DENND3: variants seen among roughly 807,000 people sequenced by gnomAD.
DENND3 encodes the protein DENN domain-containing protein 3.
DENND3 carries 88 observed loss-of-function variants against 135.1 expected under a neutral mutation model. The ratio of observed to expected loss-of-function variants is 0.65; its 90% CI spans 0.55 to 0.78. The LOEUF (loss-of-function observed/expected upper bound fraction) is 0.78. Among genes scored for constraint, DENND3 ranks in the 30% least tolerant of loss-of-function variants. DENND3 has a pLI of 0.00. For missense variants in DENND3, 1,392 were observed against 1,688.4 expected, an observed-to-expected ratio of 0.82 and a Z score of 3.08; for synonymous variants, 693 against 712.3, an observed-to-expected ratio of 0.97 and a Z score of 0.43.
In DENND3 at chr8:141,165,739, C is replaced by T. The variant is rs376223301; in HGVS notation, c.1553+450C>T. Among the ~76,000 whole-genome samples the T allele has an allele frequency of 3.4e-4, 52 of 152,334 alleles. 1 individual carries two copies. In the East Asian group the frequency reaches 9.1e-3, roughly 27 times the overall value. On this transcript the variant is annotated intron_variant, in intron 11 of 22. Transcript: ENST00000519811. ...TCAGCCTCCCAAAGTGCTGGGATTACAGGCATGAGCCACCACTCCTGGCCT... is the reference window on the plus strand; with the variant it reads ...TCAGCCTCCCAAAGTGCTGGGATTATAGGCATGAGCCACCACTCCTGGCCT...
chr8:141,149,663 A>G (rs948667453), intron 5 of DENND3, among the ~76,000 whole-genome samples: 1 of 152,246 alleles, frequency 6.6e-6, no homozygotes, highest in Non-Finnish European at 1.5e-5. Flanking sequence ...ACACTTGCTC[A>G]CACGGGGACC....
chr8:141,137,918 C>G lies in DENND3; in HGVS notation c.386-104C>G. On this transcript the variant is annotated intron_variant, in intron 2 of 22. Coordinates refer to ENST00000519811, the MANE Select transcript of DENND3 (RefSeq NM_001352890.3). The surrounding 1 kb of genome is among the most constrained non-coding windows in gnomAD (Gnocchi z 4.1). ...CTTGGACATGAAGGCACCACCACTGCTAACTGTGGAGGTGTGTCCTAAACA... is the reference window on the plus strand; with the variant it reads ...CTTGGACATGAAGGCACCACCACTGGTAACTGTGGAGGTGTGTCCTAAACA... 1 of 1,154,634 alleles carries G rather than the reference C, an allele frequency of 8.7e-7. No homozygotes were observed. The highest frequency in any genetic ancestry group is 1.2e-6 in the Non-Finnish European group (1 of 810,836). The allele number at this position is 1,154,634 out of a possible 1,614,324, so 71.5% of individuals were successfully genotyped here. A position where few individuals can be genotyped will look rare whatever the true frequency, so the allele number is the denominator to read the frequency against.
rs1356135805 is a variant in DENND3, at chr8:141,174,887, A to G, written c.2276-313A>G. 2.0e-5 allele frequency among the ~76,000 whole-genome samples: 3 copies of G among 151,922 alleles called. No homozygotes were observed. Among genetic ancestry groups the G allele is most frequent in the Non-Finnish European group, 4.4e-5 (3 of 68,036 alleles). On this transcript the variant is annotated intron_variant, in intron 13 of 22. Coordinates refer to ENST00000519811, the MANE Select transcript of DENND3 (RefSeq NM_001352890.3). The surrounding 1 kb of genome is among the most constrained non-coding windows in gnomAD (Gnocchi z 4.6). ...TAGAAGAGTGTCCTTGTCCGGAAGG[A>G]CTTTCCTACCCAAAGGTAAGAGTTG... is the stretch of plus-strand genomic sequence containing the variant.
Position 141,136,771 on chromosome 8 carries a change from T to G in DENND3, c.365T>G (p.Leu122Arg), listed in dbSNP as rs1361774143. Residue 122 changes from leucine (L) to arginine (R), a missense_variant, in exon 2 of 23, where the codon CTG becomes CGG. Coordinates refer to ENST00000519811, the MANE Select transcript of DENND3 (RefSeq NM_001352890.3). The stretch of plus-strand genomic sequence containing the variant: ...CCGGGCGGCGTGGACCTCCTCACCC[T>G]GCCGCAGCTGTGCTTCCCAGGTATG... ...AVPGGVDLLT[L>R]PQLCFPGGVC... The G allele has an allele frequency of 6.3e-7, 1 of 1,581,418 alleles. No individual in the cohort carries two copies.
At chr8:141,163,500 T>C (rs1820394340) in intron 10 of DENND3, 71 bp downstream of exon 10, 11 of 1,110,576 alleles carry the variant, frequency 9.9e-6, no homozygotes, top group Admixed American at 6.3e-5. Flanking sequence ...TTAAATACTT[T>C]TCAAAATAAG....
At chr8:141,129,424 C>T (rs1815656639) in intron 1 of DENND3, among the ~76,000 whole-genome samples, 1 of 152,092 alleles carries the variant, frequency 6.6e-6, no homozygotes, top group East Asian at 1.9e-4. Flanking sequence ...ACCACCCCCA[C>T]CCCCAACCCT....
intron 5 of DENND3, among the ~76,000 whole-genome samples, chr8:141,149,150 T>C (rs2154612910): frequency 6.6e-6 from 1 of 152,280 alleles, no homozygotes; most frequent in African/African-American, 2.4e-5. Flanking sequence ...CCTCAGGTGA[T>C]CCGCCCGCCT....
chr8:141,164,269 C>A (rs1820496825), intron 10 of DENND3, among the ~76,000 whole-genome samples: 1 of 152,244 alleles, frequency 6.6e-6, no homozygotes, highest in Admixed American at 6.5e-5. Flanking sequence ...GCGCTTTGTT[C>A]TTCTGTCCAC....
chr8:141,160,196 A>T (rs72681538), intron 8 of DENND3, among the ~76,000 whole-genome samples: 2,954 of 23,176 alleles, frequency 0.13, 236 homozygotes, highest in African/African-American at 0.31. Context: ...TTTTTTTTTT[A>T]AGACAGAGTT....
rs754864754 is a variant in DENND3 at position 141,192,314 on chromosome 8, G to A, written c.3380-17G>A. 6.2e-7 allele frequency: 1 copy of A among 1,613,528 alleles called. No individual in the cohort carries two copies. Among genetic ancestry groups the A allele is most frequent in the Admixed American group, 1.7e-5 (1 of 60,018 alleles). ...AATGACACTGCCTGGCCCCATCCTA[G>A]CTCCTTCCTTCCACAGGCACAGGTA... On this transcript the variant is annotated splice_polypyrimidine_tract_variant and intron_variant, in intron 20 of 22. Coordinates refer to ENST00000519811, the MANE Select transcript of DENND3 (RefSeq NM_001352890.3).
At chr8:141,155,796 A>C (rs1819360566) in intron 7 of DENND3, 53 bp from the exon 8 acceptor site, 2 of 1,541,098 alleles carry the variant, frequency 1.3e-6, no homozygotes, top group African/African-American at 2.8e-5. Flanking sequence ...AAAGAGGTAT[A>C]CAAATTCCGA....
chr8:141,189,227 T>G, intron 19 of DENND3, 81 bp downstream of exon 19: 1 of 1,590,156 alleles, frequency 6.3e-7, no homozygotes, highest in East Asian at 2.3e-5. Flanking sequence ...TTCCCAAGTC[T>G]TGTGCCCACA....
chr8:141,133,330 C>T (rs767126468), intron 1 of DENND3, among the ~76,000 whole-genome samples: 2 of 152,174 alleles, frequency 1.3e-5, no homozygotes, highest in Admixed American at 6.5e-5. Flanking sequence ...CTCATGCCCA[C>T]GTATGACACG....
chr8:141,145,991 G>A (rs1470345307), intron 5 of DENND3, among the ~76,000 whole-genome samples: 1 of 151,308 alleles, frequency 6.6e-6, no homozygotes, highest in Non-Finnish European at 1.5e-5. Context: ...TGGGATTACA[G>A]GCGCGTGCCA....
In DENND3 at chr8:141,190,387, A is replaced by G. The variant is rs747340215; in HGVS notation, c.3349A>G (p.Ile1117Val). The change falls in exon 20 of 23, where the codon ATC becomes GTC. Residue 1117 changes from isoleucine to valine, a missense_variant. Coordinates refer to ENST00000519811, the MANE Select transcript of DENND3 (RefSeq NM_001352890.3). The stretch of plus-strand genomic sequence containing the variant: ...GCTGCCGCGAGGTGGCCTGACGTCC[A>G]TCAGACTGCACGGCGGCCGCCTGTG... ...FQLPRGGLTS[I>V]RLHGGRLWCC... 1.6e-5 allele frequency: 25 copies of G among 1,612,378 alleles called. No homozygotes were observed. The highest frequency in any genetic ancestry group is 2.0e-5 in the Non-Finnish European group (24 of 1,179,714).
At chr8:141,192,471 G>T in intron 21 of DENND3, 22 bp downstream of exon 21, 1 of 1,613,846 alleles carries the variant, frequency 6.2e-7, no homozygotes, top group South Asian at 1.1e-5. Flanking sequence ...GGGGCTGTGG[G>T]CCCAGCATGT....
chr8:141,148,330 C>G (rs1305556901), intron 5 of DENND3, among the ~76,000 whole-genome samples: 1 of 152,286 alleles, frequency 6.6e-6, no homozygotes, highest in Admixed American at 6.5e-5. Flanking sequence ...CCCGTTCAGC[C>G]CCCTTCCTCT....
At chr8:141,176,266 TA>T (rs200320997) in intron 14 of DENND3, 40 of 126,230 alleles carry the variant, frequency 3.2e-4, no homozygotes, top group East Asian at 5.4e-4. Context: ...GAGATGGAAG[TA>T]AAAAAAAACA....
intron 18 of DENND3, chr8:141,185,522 G>A: frequency 2.2e-6 from 1 of 450,492 alleles, no homozygotes; most frequent in East Asian, 3.9e-5. Flanking sequence ...TCTAAAAACA[G>A]ATTTCAGGCC....
Sources: gnomAD v4.1 joint callset for allele counts (sites outside exome capture counted in the v4.1 genomes callset) on GRCh38, gnomAD v4.1.1 for gene constraint, Gnocchi (gnomAD v3.1) non-coding constraint, MANE v1.5 for transcripts, NCBI Gene and HGNC (gene_info 2026-07-23, HGNC 2026-07-21) for gene names.